The following NRXN3 variants were observed in gnomAD, a reference collection of about 807,000 sequenced individuals.
The protein encoded by NRXN3 is neurexin III.
In NRXN3, 32 loss-of-function variants were observed where a neutral mutation model predicts 137.6. That is an observed-to-expected ratio of 0.23 (90% confidence interval 0.18 to 0.31). The LOEUF (loss-of-function observed/expected upper bound fraction) is 0.31. NRXN3 is among the 10% of genes least tolerant of loss of function. The probability of loss-of-function intolerance (pLI) is 1.00; values close to 1 mark genes in which losing one functional copy is unlikely to be tolerated. For synonymous variants in NRXN3, 798 were observed against 784.5 expected (o/e 1.02, Z -0.29); for missense variants, 1,574 against 2,062.5 (o/e 0.76, Z 4.59).
chr14:78,385,511 C>T (rs994044287), intron 4 of NRXN3, among the ~76,000 whole-genome samples: 4 of 152,148 alleles, frequency 2.6e-5, no homozygotes, highest in African/African-American at 7.2e-5. Context: ...TAAATCTAAG[C>T]ACCCACAATT....
chr14:78,404,633 C>T (rs191130412), intron 4 of NRXN3, among the ~76,000 whole-genome samples: 163 of 152,244 alleles, frequency 1.1e-3, no homozygotes, highest in Non-Finnish European at 1.5e-3. Flanking sequence ...TGTTAGTGAT[C>T]GGCTTGAGAC....
chr14:79,081,040 T>G (rs1400807406), intron 15 of NRXN3, among the ~76,000 whole-genome samples: 2 of 152,148 alleles, frequency 1.3e-5, no homozygotes, highest in African/African-American at 2.4e-5. Flanking sequence ...AACCAGCACG[T>G]TTTTTAGCAT....
At chr14:78,290,715 G>A (rs771526977) in intron 3 of NRXN3, among the ~76,000 whole-genome samples, 3 of 152,034 alleles carry the variant, frequency 2.0e-5, no homozygotes, top group Non-Finnish European at 2.9e-5. Context: ...TCAATCCCAC[G>A]CTGTCTCCTG....
At chr14:79,616,652 G>A (rs2098159658) in intron 16 of NRXN3, among the ~76,000 whole-genome samples, 1 of 152,044 alleles carries the variant, frequency 6.6e-6, no homozygotes, top group Non-Finnish European at 1.5e-5. Flanking sequence ...ATGTATCCCT[G>A]AACCTGAAAT....
rs187012159 is a variant in NRXN3 at position 79,294,891 on chromosome 14, C to T, written c.3263-172330C>T. Among the ~76,000 whole-genome samples, 44 of 152,272 alleles carry T rather than the reference C, an allele frequency of 2.9e-4. 1 individual carries two copies. The highest frequency in any genetic ancestry group is 1.0e-3 in the African/African-American group (43 of 41,546). ...TGATACTTAGATCTATCCTTTCCAT[C>T]TCTATTGCATTTTCAACCATATCAC... On this transcript the variant is annotated intron_variant, in intron 15 of 20. Coordinates refer to ENST00000335750, the MANE Select transcript of NRXN3 (RefSeq NM_001330195.2).
At position 78,782,964 on chromosome 14, in the gene NRXN3, G is replaced by A. The variant is rs2098775370; in HGVS notation, c.2045-20656G>A. Among the ~76,000 whole-genome samples the A allele has an allele frequency of 2.0e-5, 3 of 152,224 alleles. No individual in the cohort carries two copies. The South Asian group carries it at 6.2e-4, about 31-fold the overall frequency. On this transcript the variant is annotated intron_variant, in intron 8 of 20. Coordinates refer to ENST00000335750, the MANE Select transcript of NRXN3 (RefSeq NM_001330195.2). ...ATAAATGTAGGAGGAAACAGGAAAAGAGAGGATCACCAGTAGACAAACACC... is the reference window on the plus strand; with the variant it reads ...ATAAATGTAGGAGGAAACAGGAAAAAAGAGGATCACCAGTAGACAAACACC...
intron 10 of NRXN3, among the ~76,000 whole-genome samples, chr14:78,930,411 T>C (rs1183913034): frequency 6.6e-6 from 1 of 152,196 alleles, no homozygotes; most frequent in Non-Finnish European, 1.5e-5. Flanking sequence ...TGCCTAAACA[T>C]AGTATGGTAT....
chr14:78,678,341 C>G (rs1328221047), intron 6 of NRXN3, among the ~76,000 whole-genome samples: 5 of 146,102 alleles, frequency 3.4e-5, no homozygotes, highest in African/African-American at 7.6e-5. Flanking sequence ...TTTGTAGAGA[C>G]AGGGTTTCAC....
chr14:78,445,103 C>T (rs1022452794), intron 4 of NRXN3, among the ~76,000 whole-genome samples: 2 of 152,088 alleles, frequency 1.3e-5, no homozygotes, highest in African/African-American at 4.8e-5. Context: ...TTAACTAAAA[C>T]TTGGAGTCAT....
chr14:78,705,979 A>G (rs781635790), intron 6 of NRXN3, among the ~76,000 whole-genome samples: 9 of 152,178 alleles, frequency 5.9e-5, no homozygotes, highest in Non-Finnish European at 1.2e-4. Flanking sequence ...AGTCTCAGTT[A>G]GGTACCCTTC....
chr14:78,470,813 A>G (rs1219085057), intron 4 of NRXN3, among the ~76,000 whole-genome samples: 1 of 152,176 alleles, frequency 6.6e-6, no homozygotes, highest in Non-Finnish European at 1.5e-5. Context: ...AAATCCTTTT[A>G]TATGCGATCC....
At chr14:78,757,555 C>T (rs928698604) in intron 8 of NRXN3, among the ~76,000 whole-genome samples, 5 of 152,112 alleles carry the variant, frequency 3.3e-5, no homozygotes, top group African/African-American at 1.2e-4. Flanking sequence ...CTATGCTAGT[C>T]CTCAGGAAAG....
At chr14:79,791,979 C>T (rs1291294774) in intron 19 of NRXN3, among the ~76,000 whole-genome samples, 1 of 152,136 alleles carries the variant, frequency 6.6e-6, no homozygotes, top group South Asian at 2.1e-4. Flanking sequence ...GACCAAGCTC[C>T]GTCAGGCCAT....
intron 19 of NRXN3, among the ~76,000 whole-genome samples, chr14:79,733,549 C>T (rs144250203): frequency 1.1e-4 from 16 of 152,192 alleles, no homozygotes; most frequent in African/African-American, 3.4e-4. Flanking sequence ...TCACTTAACA[C>T]GATCGGAGGT....
chr14:78,460,627 C>T (rs1034040179), intron 4 of NRXN3, among the ~76,000 whole-genome samples: 6 of 152,074 alleles, frequency 3.9e-5, no homozygotes, highest in African/African-American at 9.7e-5. Context: ...GCTACTTTCT[C>T]GTCAGGAGCA....
chr14:78,202,305 T>C (rs966060410), intron 1 of NRXN3, among the ~76,000 whole-genome samples: 1 of 152,228 alleles, frequency 6.6e-6, no homozygotes, highest in Non-Finnish European at 1.5e-5. Flanking sequence ...AAGTAAAAAG[T>C]GAAATGAAAT....
intron 4 of NRXN3, among the ~76,000 whole-genome samples, chr14:78,454,653 G>A (rs2153709718): frequency 6.6e-6 from 1 of 152,268 alleles, no homozygotes; most frequent in South Asian, 2.1e-4. Flanking sequence ...TGTTGAGTCA[G>A]GATCTATGAT....
chr14:78,388,965 T>G (rs950134302), intron 4 of NRXN3, among the ~76,000 whole-genome samples: 4 of 152,114 alleles, frequency 2.6e-5, no homozygotes, highest in African/African-American at 9.7e-5. Context: ...CTGTGATGTA[T>G]ATATGAGTAC....
chr14:78,215,562 A>C (rs1379241438), intron 1 of NRXN3, among the ~76,000 whole-genome samples: 1 of 152,150 alleles, frequency 6.6e-6, no homozygotes, highest in Non-Finnish European at 1.5e-5. Flanking sequence ...CAGAATGGTT[A>C]AATGCTGGAC....
Sources: allele counts gnomAD v4.1 joint callset (sites outside exome capture counted in the v4.1 genomes callset), GRCh38; gene constraint gnomAD v4.1.1; transcripts MANE v1.5; gene names NCBI Gene and HGNC (gene_info 2026-07-23, HGNC 2026-07-21).